Variants in FAM149A observed in about 807,000 individuals in gnomAD.
FAM149A encodes family with sequence similarity 149 member A.
A neutral mutation model predicts 78.2 loss-of-function variants in FAM149A; 71 were observed. The observed-to-expected ratio is 0.91, with a 90% CI of 0.75 to 1.11. The LOEUF (loss-of-function observed/expected upper bound fraction) is 1.11, where lower values mean the gene tolerates loss of function less well. Ranked by LOEUF, FAM149A falls within the 50% of genes least tolerant of loss-of-function variation. FAM149A has a pLI of 0.00. For synonymous variants in FAM149A, 446 were observed against 410.5 expected, an observed-to-expected ratio of 1.09 and a Z score of -1.04; for missense variants, 1,036 against 971.0, an observed-to-expected ratio of 1.07 and a Z score of -0.89.
intron 1 of FAM149A, among the ~76,000 whole-genome samples, chr4:186,136,076 C>A (rs909107256): frequency 2.6e-5 from 4 of 152,172 alleles, no homozygotes; most frequent in Non-Finnish European, 5.9e-5. Context: ...ATCTAATGTA[C>A]AACAGTGGTC....
chr4:186,124,751 T>C (rs1436036514), intron 1 of FAM149A, among the ~76,000 whole-genome samples: 5 of 152,240 alleles, frequency 3.3e-5, no homozygotes, highest in Admixed American at 3.3e-4. Flanking sequence ...TATAGCAGCA[T>C]GATTTATAAT....
rs551982511 is a variant in FAM149A, at chr4:186,164,622, G to C, written c.1890-722G>C. 2.7e-6 allele frequency: 1 copy of C among 366,296 alleles called. No individual in the cohort carries two copies. The highest frequency in any genetic ancestry group is 3.8e-6 in the Non-Finnish European group (1 of 263,754). The allele number at this position is 366,296 out of a possible 1,614,324, so 22.7% of individuals were successfully genotyped here. On this transcript the variant is annotated intron_variant, in intron 10 of 13. Coordinates refer to ENST00000389354, the MANE Select transcript of FAM149A (RefSeq NM_001367768.3). The surrounding 1 kb of genome is among the most constrained non-coding windows in gnomAD (Gnocchi z 4.0). ...GAGATCCCTCTCCCTCCTCCGCCTC[G>C]CTTCCCCCCATGCCAGTCAGCAGCA...
rs1734770359 is a variant in FAM149A, at chr4:186,163,410, G to A, written c.1680-14G>A. The stretch of plus-strand genomic sequence containing the variant: ...GCACTCGCAGCTGAGTAGCTCACAG[G>A]ATTTCCTTCCCAGGAATGAGAAGGA... On this transcript the variant is annotated splice_polypyrimidine_tract_variant and intron_variant, in intron 9 of 13. Coordinates refer to ENST00000389354, the MANE Select transcript of FAM149A (RefSeq NM_001367768.3). 6.2e-7 allele frequency: 1 copy of A among 1,609,822 alleles called. No homozygotes were observed. Among genetic ancestry groups the A allele is most frequent in the Non-Finnish European group, 8.5e-7 (1 of 1,177,360 alleles).
At chr4:186,147,351 T>A (rs918955798) in intron 1 of FAM149A, among the ~76,000 whole-genome samples, 1 of 152,192 alleles carries the variant, frequency 6.6e-6, no homozygotes, top group African/African-American at 2.4e-5. Flanking sequence ...GCCACTGCAC[T>A]CTAGCCTGTG....
chr4:186,136,954 C>CTCTCTT lies in FAM149A; in HGVS notation c.567-12214_567-12213insTTCTCT, dbSNP rs1561396194. 2.2e-4 allele frequency among the ~76,000 whole-genome samples: 25 copies of CTCTCTT among 111,444 alleles called. 1 individual carries two copies. The highest frequency in any genetic ancestry group is 9.7e-4 in the African/African-American group (24 of 24,632). 73.1% of individuals were successfully genotyped at this position (111,444 alleles called of 152,430 possible). ...CTGATTGATCTCTCTCTCTCTCTCT[C>CTCTCTT]TCTCTCTCTTTCTCTCTCTCTTTCT... On this transcript the variant is annotated intron_variant, in intron 1 of 13. Transcript: ENST00000389354.
intron 13 of FAM149A, chr4:186,169,700 G>T: frequency 3.0e-6 from 3 of 985,392 alleles, no homozygotes; most frequent in Non-Finnish European, 3.6e-6. Context: ...AAGAGGAGGT[G>T]GGGGTAGAGC....
At chr4:186,124,575 C>A (rs1366158317) in intron 1 of FAM149A, among the ~76,000 whole-genome samples, 1 of 151,978 alleles carries the variant, frequency 6.6e-6, no homozygotes, top group East Asian at 1.9e-4. Flanking sequence ...CATCCATGTC[C>A]CTACAAAGGA....
chr4:186,175,243 G>A lies in FAM149A; in HGVS notation c.*3256G>A, dbSNP rs1735679144. Among the ~76,000 whole-genome samples the A allele has an allele frequency of 1.8e-5, 2 of 110,720 alleles. 1 individual carries two copies. Among genetic ancestry groups the A allele is most frequent in the South Asian group, 5.6e-4 (2 of 3,554 alleles). 72.6% of individuals were successfully genotyped at this position (110,720 alleles called of 152,430 possible). ...TATTATAACTACAGATCATTGTGTA[G>A]GATTTTTGATTCCTTAATTTCTAAT... is the stretch of plus-strand genomic sequence containing the variant. On this transcript the variant is annotated 3_prime_UTR_variant, in exon 14 of 14. Coordinates refer to ENST00000389354, the MANE Select transcript of FAM149A (RefSeq NM_001367768.3).
chr4:186,156,330 C>A (rs1734032099), intron 7 of FAM149A, 140 bp downstream of exon 7: 2 of 612,490 alleles, frequency 3.3e-6, no homozygotes, highest in Non-Finnish European at 5.6e-6. Context: ...CTCATGAGTG[C>A]TCTTTAGTCC....
intron 1 of FAM149A, among the ~76,000 whole-genome samples, chr4:186,130,566 C>A (rs1332674446): frequency 6.6e-6 from 1 of 151,080 alleles, no homozygotes; most frequent in East Asian, 2.0e-4. Flanking sequence ...GCCATGTTGC[C>A]CAGGCTGGTC....
intron 10 of FAM149A, among the ~76,000 whole-genome samples, chr4:186,163,882 G>A (rs2126531725): frequency 6.6e-6 from 1 of 152,218 alleles, no homozygotes; most frequent in South Asian, 2.1e-4. Context: ...GGGGACCTTG[G>A]GTGGATTTCA....
chr4:186,139,442 G>GGGATTCATGCCTTTATGAAGGA lies in FAM149A; in HGVS notation c.567-9728_567-9707dup, dbSNP rs758881590. Among the ~76,000 whole-genome samples the GGGATTCATGCCTTTATGAAGGA allele has an allele frequency of 2.0e-3, 306 of 152,242 alleles. 5 individuals are homozygous for GGGATTCATGCCTTTATGAAGGA. The highest frequency in any genetic ancestry group is 3.4e-3 in the Middle Eastern group (1 of 292). ...TCATGATTGCAAAGCCCTCGTGAGT[G>GGGATTCATGCCTTTATGAAGGA]GGATTCATGCCTTTATGAAGGAGGC... On this transcript the variant is annotated intron_variant, in intron 1 of 13. Coordinates refer to ENST00000389354, the MANE Select transcript of FAM149A (RefSeq NM_001367768.3).
In FAM149A at chr4:186,171,918, A is replaced by G. The variant is rs1452049735; in HGVS notation, c.2223A>G (p.Ser741=). The change falls in exon 14 of 14, where the codon TCA becomes TCG. Residue 741 remains serine (S), a synonymous_variant. Coordinates refer to ENST00000389354, the MANE Select transcript of FAM149A (RefSeq NM_001367768.3). ...CCTTTTGCTTGGTGTTTCCAGGTTC[A>G]CAATATGTGCCTAAATCTTTTCAGA... 3 of 1,605,016 alleles carry G rather than the reference A, an allele frequency of 1.9e-6. No individual in the cohort carries two copies. The highest frequency in any genetic ancestry group is 2.5e-6 in the Non-Finnish European group (3 of 1,176,886).
At chr4:186,160,753 A>T in intron 8 of FAM149A, 2 of 964,774 alleles carry the variant, frequency 2.1e-6, no homozygotes, top group Non-Finnish European at 2.4e-6. Context: ...ACCACACCAC[A>T]CCACACACAC....
chr4:186,129,153 CTG>C (rs943229656), intron 1 of FAM149A, among the ~76,000 whole-genome samples: 25 of 100,488 alleles, frequency 2.5e-4, no homozygotes, highest in Middle Eastern at 6.3e-3. Flanking sequence ...CTGTGTGTGT[CTG>C]TGCATGTGTG....
At chr4:186,151,876 T>C (rs2276912) in intron 3 of FAM149A, 27 bp from the exon 4 acceptor site, 1,400,177 of 1,611,026 alleles carry the variant, frequency 0.87, 609,398 homozygotes, top group Non-Finnish European at 0.88. Flanking sequence ...CTTGCAGTGT[T>C]GTAACCAAGT....
At chr4:186,143,749 T>C (rs1229345249) in intron 1 of FAM149A, among the ~76,000 whole-genome samples, 3 of 152,128 alleles carry the variant, frequency 2.0e-5, no homozygotes, top group African/African-American at 7.2e-5. Flanking sequence ...CAGGCTGGTC[T>C]TGAACTCCTG....
intron 10 of FAM149A, 74 bp downstream of exon 10, chr4:186,163,707 T>C: frequency 9.1e-7 from 1 of 1,103,502 alleles, no homozygotes; most frequent in Non-Finnish European, 1.4e-6. Flanking sequence ...GGTTTATGGA[T>C]CATCCTGGAC....
intron 1 of FAM149A, chr4:186,130,293 C>CTCTCTATATATATATATA: frequency 6.4e-5 from 3 of 46,586 alleles, no homozygotes; most frequent in South Asian, 1.1e-3. Context: ...CTCTCTCTCT[C>CTCTCTATATATATATATA]TATATATATA....
Sources: gnomAD v4.1 joint callset for allele counts (sites outside exome capture counted in the v4.1 genomes callset) on GRCh38, gnomAD v4.1.1 for gene constraint, Gnocchi (gnomAD v3.1) non-coding constraint, MANE v1.5 for transcripts, NCBI Gene and HGNC (gene_info 2026-07-23, HGNC 2026-07-21) for gene names.